Variants in SH3RF1 observed in about 807,000 individuals in gnomAD.
SH3RF1 encodes E3 ubiquitin-protein ligase SH3RF1.
A neutral mutation model predicts 74.0 loss-of-function variants in SH3RF1; 32 were observed. The observed-to-expected ratio is 0.43, with a 90% confidence interval of 0.33 to 0.58. SH3RF1 has a LOEUF of 0.58. SH3RF1 is among the 20% of genes least tolerant of loss of function. SH3RF1 has a pLI of 0.05. For synonymous variants in SH3RF1, 396 were observed against 439.6 expected (o/e 0.90, Z 1.24); for missense variants, 954 against 1,130.9 (o/e 0.84, Z 2.24).
intron 2 of SH3RF1, among the ~76,000 whole-genome samples, chr4:169,172,779 G>A (rs2126974086): frequency 6.6e-6 from 1 of 152,258 alleles, no homozygotes; most frequent in East Asian, 1.9e-4. Context: ...CCAATTGGCT[G>A]CCAGCGCGGC....
intron 4 of SH3RF1, among the ~76,000 whole-genome samples, chr4:169,141,097 C>A (rs933215476): frequency 6.6e-6 from 1 of 151,664 alleles, no homozygotes; most frequent in Admixed American, 6.6e-5. Context: ...AGATTGGACA[C>A]CCTTGGTATA....
At chr4:169,225,886 A>G (rs1207534360) in intron 2 of SH3RF1, among the ~76,000 whole-genome samples, 1 of 152,144 alleles carries the variant, frequency 6.6e-6, no homozygotes, top group Non-Finnish European at 1.5e-5. Flanking sequence ...AGAAGAGATG[A>G]GCAGAGACAT....
intron 2 of SH3RF1, among the ~76,000 whole-genome samples, chr4:169,202,779 G>A (rs1734932562): frequency 6.6e-6 from 1 of 152,132 alleles, no homozygotes; most frequent in African/African-American, 2.4e-5. Flanking sequence ...ATATGTTGTT[G>A]TCATCAGATA....
intron 2 of SH3RF1, among the ~76,000 whole-genome samples, chr4:169,253,507 C>T (rs530783230): frequency 1.3e-4 from 20 of 152,284 alleles, no homozygotes; most frequent in African/African-American, 4.8e-4. Context: ...TCCCTTGGGA[C>T]TAATTTATTC....
intron 8 of SH3RF1, among the ~76,000 whole-genome samples, chr4:169,120,011 C>T (rs1446692825): frequency 2.0e-5 from 3 of 152,124 alleles, no homozygotes; most frequent in Admixed American, 6.6e-5. Context: ...CACTCTATAA[C>T]AGGGTTTCTC....
chr4:169,104,909 A>C (rs944906597), intron 11 of SH3RF1, among the ~76,000 whole-genome samples: 6 of 152,066 alleles, frequency 3.9e-5, no homozygotes, highest in Non-Finnish European at 5.9e-5. Context: ...CTCAAAAAAA[A>C]AAAAAAAAAA....
rs907444324 is a variant in SH3RF1, at chr4:169,095,145, C to T, written c.*1374G>A. Reference sequence around the variant, plus strand: ...CACAATTGTAAGGTGTGGGCAAATTCACTCCCACCAAGCCTTCCAGAGCTC... The same window carrying T: ...CACAATTGTAAGGTGTGGGCAAATTTACTCCCACCAAGCCTTCCAGAGCTC... On this transcript the variant is annotated 3_prime_UTR_variant, in exon 12 of 12. Coordinates refer to ENST00000284637, the MANE Select transcript of SH3RF1 (RefSeq NM_020870.4). The T allele has an allele frequency of 6.6e-6, 1 of 152,604 alleles. No individual in the cohort carries two copies. Among genetic ancestry groups the T allele is most frequent in the Non-Finnish European group, 1.5e-5 (1 of 68,032 alleles). 9.5% of individuals were successfully genotyped at this position (152,604 alleles called of 1,614,324 possible).
chr4:169,240,378 T>G (rs1730888572), intron 2 of SH3RF1, among the ~76,000 whole-genome samples: 1 of 151,840 alleles, frequency 6.6e-6, no homozygotes, highest in Non-Finnish European at 1.5e-5. Flanking sequence ...TTTAATTTTT[T>G]GCAGAGATGG....
At chr4:169,107,228 CT>C in intron 10 of SH3RF1, 23 bp from the exon 11 acceptor site, 1 of 1,513,052 alleles carries the variant, frequency 6.6e-7, no homozygotes, top group Non-Finnish European at 8.9e-7. Context: ...AATAATGAGC[CT>C]TAGTTGGAGA....
Position 169,115,956 on chromosome 4 carries a change from A to C in SH3RF1, c.2139+313T>G, listed in dbSNP as rs115793406. Among the ~76,000 whole-genome samples, 602 of 152,332 alleles carry C rather than the reference A, an allele frequency of 4.0e-3. 5 individuals are homozygous for C. The highest frequency in any genetic ancestry group is 0.014 in the African/African-American group (582 of 41,566). Reference sequence around the variant, plus strand: ...AAAGGGAAAAGGAAATTCCTCCACGAGACTGTAAGCTGCACAAGGAGGAGT... The same window carrying C: ...AAAGGGAAAAGGAAATTCCTCCACGCGACTGTAAGCTGCACAAGGAGGAGT... On this transcript the variant is annotated intron_variant, in intron 10 of 11. Transcript: ENST00000284637.
intron 2 of SH3RF1, among the ~76,000 whole-genome samples, chr4:169,246,857 C>T (rs1731002063): frequency 6.6e-6 from 1 of 152,116 alleles, no homozygotes; most frequent in South Asian, 2.1e-4. Context: ...TAAAATAATT[C>T]CCTGGTAAAT....
At chr4:169,209,383 G>A (rs986294620) in intron 2 of SH3RF1, among the ~76,000 whole-genome samples, 3 of 151,900 alleles carry the variant, frequency 2.0e-5, no homozygotes, top group Non-Finnish European at 4.4e-5. Flanking sequence ...CACTTCATCC[G>A]GGATGCTTTC....
At chr4:169,107,270 G>C in intron 10 of SH3RF1, 65 bp from the exon 11 acceptor site, 1 of 1,397,724 alleles carries the variant, frequency 7.2e-7, no homozygotes. Context: ...GTAATCTAAA[G>C]GGCCCTATAG....
chr4:169,106,045 G>A (rs1351418245), intron 11 of SH3RF1, among the ~76,000 whole-genome samples: 1 of 151,600 alleles, frequency 6.6e-6, no homozygotes, highest in Non-Finnish European at 1.5e-5. Flanking sequence ...TAATGTTAGT[G>A]TGTATATATA....
At chr4:169,106,281 T>C (rs571504069) in intron 11 of SH3RF1, among the ~76,000 whole-genome samples, 1 of 151,880 alleles carries the variant, frequency 6.6e-6, no homozygotes, top group South Asian at 2.1e-4. Context: ...TCTATTTCTT[T>C]GTATTTTAGT....
chr4:169,217,870 AG>A (rs980464628), intron 2 of SH3RF1, among the ~76,000 whole-genome samples: 1 of 152,206 alleles, frequency 6.6e-6, no homozygotes, highest in Non-Finnish European at 1.5e-5. Context: ...AACAAAAAAA[AG>A]TTTAATGAGG....
At chr4:169,260,690 G>C (rs1046210077) in intron 2 of SH3RF1, among the ~76,000 whole-genome samples, 1 of 152,108 alleles carries the variant, frequency 6.6e-6, no homozygotes, top group African/African-American at 2.4e-5. Context: ...TCACGCAAAA[G>C]AGAAATATAA....
chr4:169,250,842 C>T (rs954731103), intron 2 of SH3RF1, among the ~76,000 whole-genome samples: 2 of 152,086 alleles, frequency 1.3e-5, no homozygotes, highest in African/African-American at 4.8e-5. Flanking sequence ...ACAGAAGACC[C>T]TTATAAGGAA....
chr4:169,106,686 G>A (rs1276445172), intron 11 of SH3RF1, among the ~76,000 whole-genome samples, 161 bp downstream of exon 11: 1 of 152,162 alleles, frequency 6.6e-6, no homozygotes, highest in Non-Finnish European at 1.5e-5. Context: ...AACAGAGTAT[G>A]TCATGTCAAG....
Sources: gnomAD v4.1 joint callset for allele counts (sites outside exome capture counted in the v4.1 genomes callset) on GRCh38, gnomAD v4.1.1 for gene constraint, MANE v1.5 for transcripts, NCBI Gene and HGNC (gene_info 2026-07-23, HGNC 2026-07-21) for gene names.